The following RPS6KA2 variants were observed in gnomAD, a reference collection of about 807,000 sequenced individuals.
RPS6KA2 encodes the protein ribosomal protein S6 kinase A2.
Under a neutral mutation model 91.8 loss-of-function variants are expected in RPS6KA2, and 42 were observed. The observed-to-expected ratio is 0.46, with a 90% CI of 0.36 to 0.59. The LOEUF is 0.59. RPS6KA2 is among the 20% of genes least tolerant of loss of function. RPS6KA2 has a pLI of 0.00. For missense variants in RPS6KA2, 798 were observed against 978.5 expected (o/e 0.82, Z 2.46); for synonymous variants, 414 against 393.6 (o/e 1.05, Z -0.61).
At chr6:166,701,341 A>C in intron 2 of RPS6KA2, 2 of 1,532,582 alleles carry the variant, frequency 1.3e-6, no homozygotes, top group South Asian at 2.2e-5. Flanking sequence ...TGCCAGCAGC[A>C]AAGGATGGCA....
rs967690897 is a variant in RPS6KA2 at position 166,771,006 on chromosome 6, C to T, written c.123+87194G>A. On this transcript the variant is annotated intron_variant, in intron 2 of 21. Transcript: ENST00000503859. ...TTAGCAAGGGCATTACTACCATACT[C>T]ACCAGGCCTGTGAGCTTTTTGTTTC... 6.8e-6 allele frequency: 7 copies of T among 1,030,864 alleles called. No individual in the cohort carries two copies. The Admixed American group carries it at 7.4e-5, about 11-fold the overall frequency. The allele number at this position is 1,030,864 out of a possible 1,614,324, so 63.9% of individuals were successfully genotyped here.
At chr6:166,707,216 G>C (rs570601770) in intron 2 of RPS6KA2, among the ~76,000 whole-genome samples, 30 of 152,344 alleles carry the variant, frequency 2.0e-4, no homozygotes, top group Admixed American at 3.3e-4. Context: ...TGCCGGGAAG[G>C]GGGCAGCTCT....
chr6:166,646,031 T>C (rs917096095), intron 2 of RPS6KA2, among the ~76,000 whole-genome samples: 33 of 152,156 alleles, frequency 2.2e-4, no homozygotes, highest in African/African-American at 7.7e-4. Context: ...CAATTAGAGT[T>C]GTAGTGGTGA....
At chr6:166,688,112 G>A (rs1263813954) in intron 2 of RPS6KA2, among the ~76,000 whole-genome samples, 1 of 152,138 alleles carries the variant, frequency 6.6e-6, no homozygotes, top group African/African-American at 2.4e-5. Flanking sequence ...GGGTGGGAGG[G>A]GTATGTGGGG....
In RPS6KA2 at chr6:166,852,727, C is replaced by T. The variant is rs1267967401; in HGVS notation, c.123+5473G>A. On this transcript the variant is annotated intron_variant, in intron 2 of 21. Coordinates refer to the RPS6KA2 transcript ENST00000503859. The surrounding 1 kb of genome is among the most constrained non-coding windows in gnomAD (Gnocchi z 4.1). The stretch of plus-strand genomic sequence containing the variant: ...CACGCTGACACGCTCAGGAGCTCAT[C>T]CCTGAGCGCCCACAGGCCCCTGGAT... Among the ~76,000 whole-genome samples the T allele has an allele frequency of 1.3e-5, 2 of 152,106 alleles. No homozygotes were observed. Among genetic ancestry groups the T allele is most frequent in the African/African-American group, 2.4e-5 (1 of 41,442 alleles).
rs1215485786 is a variant in RPS6KA2 at position 166,770,258 on chromosome 6, T to C, written c.123+87942A>G. Among the ~76,000 whole-genome samples the C allele has an allele frequency of 6.6e-6, 1 of 152,250 alleles. No homozygotes were observed. Among genetic ancestry groups the C allele is most frequent in the African/African-American group, 2.4e-5 (1 of 41,466 alleles). On this transcript the variant is annotated intron_variant, in intron 2 of 21. Coordinates refer to the RPS6KA2 transcript ENST00000503859. This position sits in a 1 kb window ranked among gnomAD's most constrained non-coding sequence, Gnocchi z 5.1. ...CTATTAAACTATCTTTAAAAATGTCTTATTAATAAAGGTATTAAAACCAGA... is the reference window on the plus strand; with the variant it reads ...CTATTAAACTATCTTTAAAAATGTCCTATTAATAAAGGTATTAAAACCAGA...
intron 11 of RPS6KA2, among the ~76,000 whole-genome samples, chr6:166,461,056 G>T (rs1318357086): frequency 6.6e-6 from 1 of 152,096 alleles, no homozygotes; most frequent in African/African-American, 2.4e-5. Flanking sequence ...CTGCAGGAGG[G>T]CGAGGTGCCA....
intron 1 of RPS6KA2, among the ~76,000 whole-genome samples, chr6:166,596,235 A>G (rs542968377): frequency 1.9e-4 from 29 of 152,344 alleles, no homozygotes; most frequent in Middle Eastern, 6.8e-3. Context: ...TTTATGGTCA[A>G]TAATACTCTG....
chr6:166,597,436 G>A (rs997647252), intron 1 of RPS6KA2, among the ~76,000 whole-genome samples: 6 of 152,244 alleles, frequency 3.9e-5, no homozygotes, highest in Non-Finnish European at 8.8e-5. Flanking sequence ...ACAGGACACA[G>A]AGCTGGGGAA....
At chr6:166,811,729 A>G (rs1346221020) in intron 2 of RPS6KA2, among the ~76,000 whole-genome samples, 2 of 152,260 alleles carry the variant, frequency 1.3e-5, no homozygotes, top group African/African-American at 4.8e-5. Flanking sequence ...AGTTCAAAAC[A>G]GTATTTTTGC....
intron 2 of RPS6KA2, among the ~76,000 whole-genome samples, chr6:166,694,042 C>T (rs1034714163): frequency 1.3e-5 from 2 of 152,316 alleles, no homozygotes; most frequent in South Asian, 4.1e-4. Flanking sequence ...CATTGCAGCT[C>T]ATCAGGAATT....
chr6:166,614,613 G>A (rs138363885), intron 1 of RPS6KA2, among the ~76,000 whole-genome samples: 1,708 of 152,366 alleles, frequency 0.011, 18 homozygotes, highest in Middle Eastern at 0.027. Flanking sequence ...CACAAATTCA[G>A]TGGTTTGAAA....
chr6:166,724,152 C>T (rs1290396369), intron 2 of RPS6KA2, among the ~76,000 whole-genome samples: 1 of 152,132 alleles, frequency 6.6e-6, no homozygotes, highest in Non-Finnish European at 1.5e-5. Flanking sequence ...ATGAGTATAT[C>T]AAATATGCTA....
At chr6:166,738,500 G>T (rs576693181) in intron 2 of RPS6KA2, among the ~76,000 whole-genome samples, 32 of 152,302 alleles carry the variant, frequency 2.1e-4, no homozygotes, top group Middle Eastern at 6.8e-3. Flanking sequence ...CCGAGAATCA[G>T]GCAGGCAGCC....
At chr6:166,839,721 G>T in intron 2 of RPS6KA2, among the ~76,000 whole-genome samples, 1 of 45,562 alleles carries the variant, frequency 2.2e-5, no homozygotes, top group Non-Finnish European at 4.4e-5. Context: ...AGGAGAGGCG[G>T]CACTGGAGGC....
chr6:166,587,727 T>C (rs1373489492), intron 1 of RPS6KA2, among the ~76,000 whole-genome samples: 1 of 151,804 alleles, frequency 6.6e-6, no homozygotes, highest in Non-Finnish European at 1.5e-5. Context: ...AAGTAGAAGA[T>C]GAAGGGCCCA....
intron 2 of RPS6KA2, among the ~76,000 whole-genome samples, chr6:166,786,044 T>A (rs1435852855): frequency 6.6e-6 from 1 of 152,218 alleles, no homozygotes; most frequent in Non-Finnish European, 1.5e-5. Flanking sequence ...AATTCAGATA[T>A]CCTTTTTCAA....
At position 166,418,383 on chromosome 6, in the gene RPS6KA2, T is replaced by C. The variant is rs1170873516; in HGVS notation, c.1821-41A>G. On this transcript the variant is annotated intron_variant, in intron 18 of 20. Coordinates refer to ENST00000265678, the MANE Select transcript of RPS6KA2 (RefSeq NM_021135.6). The surrounding 1 kb of genome is among the most constrained non-coding windows in gnomAD (Gnocchi z 4.9). ...AATTTGTGGTAATGAGCTTGTATTT[T>C]ACAACCTAAAATAAAGTTTGCAAGT... 2.0e-6 allele frequency: 3 copies of C among 1,475,962 alleles called. No homozygotes were observed. Among genetic ancestry groups the C allele is most frequent in the Non-Finnish European group, 2.8e-6 (3 of 1,057,208 alleles). The allele number at this position is 1,475,962 out of a possible 1,614,324, so 91.4% of individuals were successfully genotyped here.
chr6:166,757,230 G>T (rs1357097757), intron 2 of RPS6KA2, among the ~76,000 whole-genome samples: 3 of 152,104 alleles, frequency 2.0e-5, no homozygotes, highest in Non-Finnish European at 4.4e-5. Flanking sequence ...AAAAATTACG[G>T]ACACCCTTCC....
Sources: allele counts gnomAD v4.1 joint callset (sites outside exome capture counted in the v4.1 genomes callset), GRCh38; gene constraint gnomAD v4.1.1; non-coding constraint Gnocchi (gnomAD v3.1); transcripts MANE v1.5; gene names NCBI Gene and HGNC (gene_info 2026-07-23, HGNC 2026-07-21).